TYW5: variants seen among roughly 807,000 people sequenced by gnomAD.
TYW5 encodes tRNA wybutosine-synthesizing protein 5.
TYW5 carries 36 observed loss-of-function variants against 44.4 expected under a neutral mutation model. The ratio of observed to expected loss-of-function variants is 0.81; its 90% CI spans 0.62 to 1.07. The LOEUF (loss-of-function observed/expected upper bound fraction) is 1.07. Ranked by LOEUF, TYW5 falls within the 50% of genes least tolerant of loss-of-function variation. The pLI, the probability that TYW5 is intolerant of heterozygous loss-of-function variation, is 0.00. For synonymous variants in TYW5, 121 were observed against 128.1 expected (o/e 0.94, Z 0.37); for missense variants, 354 against 365.7 (o/e 0.97, Z 0.26).
At position 199,955,490 on chromosome 2, in the gene TYW5, C is replaced by G. The variant is rs368330803; in HGVS notation, c.-20G>C. 6.2e-7 allele frequency: 1 copy of G among 1,611,574 alleles called. No individual in the cohort carries two copies. Among genetic ancestry groups the G allele is most frequent in the African/African-American group, 1.3e-5 (1 of 74,828 alleles). Reference sequence around the variant, plus strand: ...GGCCATGGTTGCTCACGCCTGCCCTCTTCCAGGTCTTCGGAACTTCGGCTC... The same window carrying G: ...GGCCATGGTTGCTCACGCCTGCCCTGTTCCAGGTCTTCGGAACTTCGGCTC... On this transcript the variant is annotated 5_prime_UTR_variant, in exon 1 of 8. Coordinates refer to ENST00000354611, the MANE Select transcript of TYW5 (RefSeq NM_001039693.3).
intron 7 of TYW5, 68 bp from the exon 8 acceptor site, chr2:199,933,391 G>A: frequency 1.5e-6 from 2 of 1,345,508 alleles, no homozygotes; most frequent in Non-Finnish European, 2.0e-6. Flanking sequence ...AAATGTCAGT[G>A]AAATATCACG....
chr2:199,939,198 C>T, intron 4 of TYW5, 128 bp from the exon 5 acceptor site: 1 of 763,846 alleles, frequency 1.3e-6, no homozygotes, highest in Non-Finnish European at 1.9e-6. Context: ...CATGATCTCT[C>T]TCTCTCTATC....
At chr2:199,949,931 A>G (rs2077532106) in intron 1 of TYW5, among the ~76,000 whole-genome samples, 1 of 152,184 alleles carries the variant, frequency 6.6e-6, no homozygotes, top group Non-Finnish European at 1.5e-5. Context: ...AGATTTGGCC[A>G]GTAAGCCCCT....
intron 5 of TYW5, among the ~76,000 whole-genome samples, chr2:199,938,603 T>C (rs1317421839): frequency 6.6e-6 from 1 of 152,154 alleles, no homozygotes; most frequent in Non-Finnish European, 1.5e-5. Context: ...TAAAGGCTTA[T>C]CACTTTTTCC....
At position 199,929,197 on chromosome 2, in the gene TYW5, G is replaced by A. The variant is rs1458235103; in HGVS notation, c.*3870C>T. Among the ~76,000 whole-genome samples, 3 of 110,588 alleles carry A rather than the reference G, an allele frequency of 2.7e-5. No individual in the cohort carries two copies. The highest frequency in any genetic ancestry group is 6.3e-5 in the Non-Finnish European group (3 of 47,324). The allele number at this position is 110,588 out of a possible 152,430, so 72.6% of individuals were successfully genotyped here. ...AAAGAGACTACATCGTGGGGTTGGG[G>A]GAGGGGGAAGGGATAGCATTAGGAG... On this transcript the variant is annotated 3_prime_UTR_variant, in exon 8 of 8. Coordinates refer to ENST00000354611, the MANE Select transcript of TYW5 (RefSeq NM_001039693.3).
intron 6 of TYW5, 148 bp downstream of exon 6, chr2:199,936,257 T>C: frequency 2.6e-6 from 2 of 755,042 alleles, no homozygotes; most frequent in Non-Finnish European, 4.2e-6. Flanking sequence ...AATAAGATAA[T>C]TTCAAATTTG....
Position 199,933,092 on chromosome 2 carries a change from T to G in TYW5, c.923A>C (p.Lys308Thr). The change falls in exon 8 of 8, where the codon AAA becomes ACA. Residue 308 changes from lysine (K) to threonine (T), a missense_variant. Transcript: ENST00000354611. Reference sequence around the variant, plus strand: ...TTACTCAGAGTTCTTGCTGTAGGCTTTGTCTTGAATGTGTAGGACCATTCG... The same window carrying G: ...TTACTCAGAGTTCTTGCTGTAGGCTGTGTCTTGAATGTGTAGGACCATTCG... ...ARRMVLHIQDKAYSKNSE is the reference protein window; with the variant it reads ...ARRMVLHIQDTAYSKNSE 3 of 1,614,080 alleles carry G rather than the reference T, an allele frequency of 1.9e-6. No individual in the cohort carries two copies. Among genetic ancestry groups the G allele is most frequent in the Non-Finnish European group, 2.5e-6 (3 of 1,179,986 alleles).
intron 3 of TYW5, among the ~76,000 whole-genome samples, chr2:199,941,224 A>G (rs1041631851): frequency 2.6e-5 from 4 of 152,114 alleles, no homozygotes; most frequent in Non-Finnish European, 4.4e-5. Flanking sequence ...TACTATTTGT[A>G]GAGAAGGAGA....
At chr2:199,937,321 C>T (rs1026715642) in intron 5 of TYW5, among the ~76,000 whole-genome samples, 3 of 151,878 alleles carry the variant, frequency 2.0e-5, no homozygotes, top group Non-Finnish European at 4.4e-5. Flanking sequence ...TTATATATTA[C>T]ATTCTATTAT....
intron 2 of TYW5, chr2:199,945,467 A>G (rs1390401585): frequency 2.6e-5 from 4 of 152,246 alleles, no homozygotes; most frequent in African/African-American, 9.6e-5. Flanking sequence ...ACTCAGACCA[A>G]TGCAGAGTAC....
chr2:199,935,691 TATA>T (rs1437658252), intron 7 of TYW5, among the ~76,000 whole-genome samples: 3 of 148,872 alleles, frequency 2.0e-5, no homozygotes, highest in Non-Finnish European at 3.0e-5. Flanking sequence ...GCTGTTAACT[TATA>T]ATAAGTTTGC....
chr2:199,955,114 C>A (rs898774465), intron 1 of TYW5, among the ~76,000 whole-genome samples: 4 of 152,146 alleles, frequency 2.6e-5, no homozygotes, highest in Non-Finnish European at 5.9e-5. Context: ...CTGACAGATG[C>A]GGAGTAAAGA....
At chr2:199,950,477 C>T (rs1366989082) in intron 1 of TYW5, among the ~76,000 whole-genome samples, 1 of 152,108 alleles carries the variant, frequency 6.6e-6, no homozygotes, top group African/African-American at 2.4e-5. Flanking sequence ...GAAAAAAAAT[C>T]AATTCCTAGC....
rs1429851359 is a variant in TYW5, at chr2:199,930,369, TTAGAGA to T, written c.*2692_*2697del. ...ATTATCACTGGTTTCTCGTGCATCC[TTAGAGA>T]TAATTATATGCATATGCAAATAAGA... On this transcript the variant is annotated 3_prime_UTR_variant, in exon 8 of 8. Coordinates refer to ENST00000354611, the MANE Select transcript of TYW5 (RefSeq NM_001039693.3). 6.6e-6 allele frequency: 1 copy of T among 152,252 alleles called. No homozygotes were observed. Among genetic ancestry groups the T allele is most frequent in the Non-Finnish European group, 1.5e-5 (1 of 68,052 alleles). 9.4% of individuals were successfully genotyped at this position (152,252 alleles called of 1,614,324 possible). A position where few individuals can be genotyped will look rare whatever the true frequency, so the allele number is the denominator to read the frequency against.
intron 3 of TYW5, among the ~76,000 whole-genome samples, chr2:199,940,498 C>G (rs2077454957): frequency 6.6e-6 from 1 of 151,906 alleles, no homozygotes; most frequent in Admixed American, 6.6e-5. Context: ...AAAAAATTAG[C>G]TGGGCATGGT....
At chr2:199,943,487 A>T (rs1437868973) in intron 3 of TYW5, 1 of 280,268 alleles carries the variant, frequency 3.6e-6, no homozygotes. Context: ...TAAGTATTTT[A>T]CTATTTTATT....
intron 1 of TYW5, among the ~76,000 whole-genome samples, chr2:199,953,702 T>C (rs151198407): frequency 6.6e-6 from 1 of 152,352 alleles, no homozygotes; most frequent in East Asian, 1.9e-4. Flanking sequence ...CTCATAGCAC[T>C]ATGCCCCCTC....
chr2:199,933,521 A>C (rs913866824), intron 7 of TYW5, among the ~76,000 whole-genome samples, 198 bp from the exon 8 acceptor site: 2 of 152,232 alleles, frequency 1.3e-5, no homozygotes, highest in African/African-American at 4.8e-5. Flanking sequence ...TAAAGTGTCA[A>C]TAGCACAACC....
chr2:199,943,642 CA>C, intron 3 of TYW5, 122 bp downstream of exon 3: 1 of 774,784 alleles, frequency 1.3e-6, no homozygotes, highest in East Asian at 2.8e-5. Flanking sequence ...TGCATCCAAC[CA>C]AATCTTACGA....
Sources: allele counts gnomAD v4.1 joint callset (sites outside exome capture counted in the v4.1 genomes callset), GRCh38; gene constraint gnomAD v4.1.1; transcripts MANE v1.5; gene names NCBI Gene and HGNC (gene_info 2026-07-23, HGNC 2026-07-21).